CEP162: variants seen among roughly 807,000 people sequenced by gnomAD.
CEP162 encodes the protein centrosomal protein 162, also known as centrosomal protein of 162 kDa.
CEP162 carries 141 observed loss-of-function variants against 169.2 expected under a neutral mutation model. The observed-to-expected ratio is 0.83, with a 90% CI of 0.73 to 0.96. CEP162 has a LOEUF of 0.96. CEP162 is among the 40% of genes least tolerant of loss of function. The probability of loss-of-function intolerance (pLI) is 0.00; values close to 1 mark genes in which losing one functional copy is unlikely to be tolerated. For missense variants in CEP162, 1,600 were observed against 1,587.2 expected, an observed-to-expected ratio of 1.01 and a Z score of -0.14; for synonymous variants, 540 against 526.4, an observed-to-expected ratio of 1.03 and a Z score of -0.35.
At chr6:84,189,215 C>CA (rs145052643) in intron 11 of CEP162, among the ~76,000 whole-genome samples, 14,187 of 152,170 alleles carry the variant, frequency 0.093, 1,730 homozygotes, top group African/African-American at 0.29. Flanking sequence ...TGGCAGTTCT[C>CA]AGAGCCCTCG....
At chr6:84,156,765 CACACACAA>C (rs887733854) in intron 21 of CEP162, among the ~76,000 whole-genome samples, 3 of 151,934 alleles carry the variant, frequency 2.0e-5, no homozygotes, top group African/African-American at 7.3e-5. Context: ...CACACACACA[CACACACAA>C]ACACACTATT....
chr6:84,202,958 GTTTCT>G (rs1459158592), intron 7 of CEP162, among the ~76,000 whole-genome samples: 8 of 152,208 alleles, frequency 5.3e-5, no homozygotes, highest in Admixed American at 1.3e-4. Context: ...CCTGAAAAGT[GTTTCT>G]TTTGAGTCCA....
Position 84,124,780 on chromosome 6 carries a change from C to G in CEP162, c.*290G>C. The G allele has an allele frequency of 2.8e-6, 1 of 362,800 alleles. No homozygotes were observed. 22.5% of individuals were successfully genotyped at this position (362,800 alleles called of 1,614,324 possible). A position where few individuals can be genotyped will look rare whatever the true frequency, so the allele number is the denominator to read the frequency against. On this transcript the variant is annotated 3_prime_UTR_variant, in exon 27 of 27. Transcript: ENST00000403245. ...CAATAAAAATGTGGCGGAGTATGTT[C>G]AATTTTCTTTTCTTTCTATTTCTAG...
rs78569908 is a variant in CEP162 at position 84,182,755 on chromosome 6, T to G, written c.1663+2432A>C. 5.0e-3 allele frequency among the ~76,000 whole-genome samples: 757 copies of G among 152,312 alleles called. 11 individuals are homozygous for G. The highest frequency in any genetic ancestry group is 0.018 in the African/African-American group (731 of 41,584). On this transcript the variant is annotated intron_variant, in intron 13 of 26. Transcript: ENST00000403245. ...TTGCATCAGGAAAGACAAAGGGATC[T>G]GGTTCCTTGCACAGCTTTCCAGCCA...
intron 1 of CEP162, 112 bp from the exon 2 acceptor site, chr6:84,226,564 T>C (rs147569143): frequency 8.3e-5 from 49 of 592,134 alleles, no homozygotes; most frequent in African/African-American, 5.6e-4. Context: ...ACAATTTTTT[T>C]TAACCAGTAA....
intron 9 of CEP162, among the ~76,000 whole-genome samples, chr6:84,199,524 T>C (rs2099543566): frequency 6.9e-6 from 1 of 144,618 alleles, no homozygotes. Context: ...GACTTTTCTA[T>C]AGGTATACTA....
chr6:84,163,319 A>G, intron 18 of CEP162, 49 bp from the exon 19 acceptor site: 1 of 1,344,610 alleles, frequency 7.4e-7, no homozygotes, highest in Non-Finnish European at 1.1e-6. Context: ...AACCACAATA[A>G]ATTGTGGTAT....
At position 84,146,750 on chromosome 6, in the gene CEP162, C is replaced by T; in HGVS notation, c.3807G>A (p.Glu1269=). 6.3e-7 allele frequency: 1 copy of T among 1,580,960 alleles called. No individual in the cohort carries two copies. The highest frequency in any genetic ancestry group is 8.6e-7 in the Non-Finnish European group (1 of 1,161,902). Residue 1269 remains glutamate, a synonymous_variant, in exon 25 of 27, where the codon GAG becomes GAA. Coordinates refer to ENST00000403245, the MANE Select transcript of CEP162 (RefSeq NM_014895.4). Reference sequence around the variant, plus strand: ...CGAGAGACTCTTGTTTACTCTGCAGCTCATTAACTTGACTTTGGAAATGTC... The same window carrying T: ...CGAGAGACTCTTGTTTACTCTGCAGTTCATTAACTTGACTTTGGAAATGTC... ...LIRHFQSQVN[E]LQSKQESLVV...
intron 5 of CEP162, among the ~76,000 whole-genome samples, chr6:84,214,984 T>C (rs953268236): frequency 6.6e-6 from 1 of 152,210 alleles, no homozygotes; most frequent in Non-Finnish European, 1.5e-5. Context: ...TCTTTATTTG[T>C]CTGTGGAAAA....
chr6:84,131,860 ATG>A (rs2099511645), intron 25 of CEP162, among the ~76,000 whole-genome samples: 1 of 152,108 alleles, frequency 6.6e-6, no homozygotes, highest in African/African-American at 2.4e-5. Flanking sequence ...TAATATTGTT[ATG>A]TGTGAATTTG....
At chr6:84,170,373 CAAAAAAAAAAAA>C (rs57988482) in intron 17 of CEP162, among the ~76,000 whole-genome samples, 28 of 28,352 alleles carry the variant, frequency 9.9e-4, no homozygotes, top group Non-Finnish European at 2.3e-3. Flanking sequence ...GACTCCGTCT[CAAAAAAAAAAAA>C]AAAAAAAAAA....
intron 6 of CEP162, among the ~76,000 whole-genome samples, chr6:84,207,993 T>C (rs1264531011): frequency 6.6e-6 from 1 of 151,896 alleles, no homozygotes; most frequent in Middle Eastern, 3.4e-3. Context: ...TTTAAAAAGG[T>C]TGGATTTTGT....
chr6:84,158,569 T>C (rs1164180722), intron 21 of CEP162, among the ~76,000 whole-genome samples: 1 of 152,220 alleles, frequency 6.6e-6, no homozygotes, highest in Non-Finnish European at 1.5e-5. Context: ...GCACATTTAT[T>C]GATATATCAT....
chr6:84,149,328 T>C (rs2099520252), intron 24 of CEP162, among the ~76,000 whole-genome samples: 1 of 152,040 alleles, frequency 6.6e-6, no homozygotes, highest in Admixed American at 6.6e-5. Context: ...TATTTATTTA[T>C]ATGGTGTAGT....
At chr6:84,148,089 G>T (rs1193436895) in intron 24 of CEP162, among the ~76,000 whole-genome samples, 2 of 152,094 alleles carry the variant, frequency 1.3e-5, no homozygotes, top group African/African-American at 4.8e-5. Flanking sequence ...AATGCTTATA[G>T]TTGCCCTCTG....
chr6:84,143,825 G>T (rs1373092324), intron 25 of CEP162, among the ~76,000 whole-genome samples: 6 of 151,916 alleles, frequency 3.9e-5, no homozygotes, highest in East Asian at 1.9e-4. Context: ...GATTATAAAA[G>T]ATTTTCTTTA....
rs865877225 is a variant in CEP162 at position 84,213,776 on chromosome 6, A to G, written c.504-752T>C. On this transcript the variant is annotated intron_variant, in intron 5 of 26. Coordinates refer to ENST00000403245, the MANE Select transcript of CEP162 (RefSeq NM_014895.4). ...TAAGAAAAAAGTTAAAAAATGTAGCAAAGTGGCAAAAAGTTGTGGCCCACA... is the reference window on the plus strand; with the variant it reads ...TAAGAAAAAAGTTAAAAAATGTAGCGAAGTGGCAAAAAGTTGTGGCCCACA... 5.9e-5 allele frequency among the ~76,000 whole-genome samples: 9 copies of G among 152,338 alleles called. 1 individual carries two copies. The highest frequency in any genetic ancestry group is 1.9e-4 in the African/African-American group (8 of 41,568).
chr6:84,171,387 A>G (rs1016893480), intron 17 of CEP162, among the ~76,000 whole-genome samples: 1 of 152,224 alleles, frequency 6.6e-6, no homozygotes, highest in Non-Finnish European at 1.5e-5. Context: ...ATTCATATGA[A>G]TTCAAATATG....
rs144570088 is a variant in CEP162 at position 84,205,922 on chromosome 6, A to T, written c.572-1826T>A. ...AAAATCACAAACATTCCTATACACC[A>T]ATAACAGACAAACAGAGAGCCAAAC... On this transcript the variant is annotated intron_variant, in intron 6 of 26. Transcript: ENST00000403245. Among the ~76,000 whole-genome samples, 997 of 148,716 alleles carry T rather than the reference A, an allele frequency of 6.7e-3. 116 individuals are homozygous for T. Among genetic ancestry groups the T allele is most frequent in the African/African-American group, 0.025 (964 of 38,100 alleles).
Sources: allele counts gnomAD v4.1 joint callset (sites outside exome capture counted in the v4.1 genomes callset), GRCh38; gene constraint gnomAD v4.1.1; transcripts MANE v1.5; gene names NCBI Gene and HGNC (gene_info 2026-07-23, HGNC 2026-07-21).